The following DNAJA3 variants were observed in gnomAD, a reference collection of about 807,000 sequenced individuals.
DNAJA3 encodes the protein DnaJ heat shock protein family (Hsp40) member A3, also known as dnaJ homolog subfamily A member 3, mitochondrial.
DNAJA3 carries 29 observed loss-of-function variants against 54.9 expected under a neutral mutation model. The observed-to-expected ratio is 0.53, with a 90% confidence interval of 0.39 to 0.72. The LOEUF is 0.72. Among genes scored for constraint, DNAJA3 ranks in the 30% least tolerant of loss-of-function variants. The pLI, the probability that DNAJA3 is intolerant of heterozygous loss-of-function variation, is 0.00. For synonymous variants in DNAJA3, 302 were observed against 251.4 expected (o/e 1.20, Z -1.90); for missense variants, 708 against 639.4 (o/e 1.11, Z -1.16).
At chr16:4,426,166 G>A in intron 1 of DNAJA3, 74 bp downstream of exon 1, 1 of 1,391,096 alleles carries the variant, frequency 7.2e-7, no homozygotes. Context: ...CTGTGACTAC[G>A]GCTGCAGGGG....
At position 4,443,261 on chromosome 16, in the gene DNAJA3, C is replaced by G. The variant is rs979314792; in HGVS notation, c.931+97C>G. The G allele has an allele frequency of 2.7e-6, 4 of 1,467,502 alleles. No individual in the cohort carries two copies. The East Asian group carries it at 9.6e-5, about 35-fold the overall frequency. The allele number at this position is 1,467,502 out of a possible 1,614,324, so 90.9% of individuals were successfully genotyped here. ...GAGAGGGTGGACAGGGCCGAGGCCA[C>G]TGCACTGAGTGTGAGTGGGCTCTTG... On this transcript the variant is annotated intron_variant, in intron 6 of 11. Coordinates refer to ENST00000262375, the MANE Select transcript of DNAJA3 (RefSeq NM_005147.6).
In DNAJA3 at chr16:4,434,643, G is replaced by A. The variant is rs543564602; in HGVS notation, c.345+126G>A. ...TCTCATGAGCTGATAGTATAGAAGG[G>A]TGTGATAAAGCTGGACTTTGCTAGA... On this transcript the variant is annotated intron_variant, in intron 2 of 11. Coordinates refer to ENST00000262375, the MANE Select transcript of DNAJA3 (RefSeq NM_005147.6). 1.4e-5 allele frequency: 16 copies of A among 1,168,990 alleles called. No homozygotes were observed. The African/African-American group carries it at 2.5e-4, about 18-fold the overall frequency. 72.4% of individuals were successfully genotyped at this position (1,168,990 alleles called of 1,614,324 possible). A position where few individuals can be genotyped will look rare whatever the true frequency, so the allele number is the denominator to read the frequency against.
chr16:4,448,211 G>A (rs888728727), intron 8 of DNAJA3, among the ~76,000 whole-genome samples: 2 of 151,150 alleles, frequency 1.3e-5, no homozygotes, highest in African/African-American at 2.4e-5. Context: ...TATTTTAGTA[G>A]CGATGGGGTT....
In DNAJA3 at chr16:4,425,932, G is replaced by T; in HGVS notation, c.51G>T (p.Pro17=). ...TRWLLVVVGT[P]RLPAISGRGA... is the part of the protein sequence containing the mutation. ...GGTTGCTGGTGGTTGTGGGGACCCC[G>T]CGGCTGCCGGCTATATCGGGTAGAG... The change falls in exon 1 of 12, where the codon CCG becomes CCT. Residue 17 remains proline (P), a synonymous_variant. Coordinates refer to ENST00000262375, the MANE Select transcript of DNAJA3 (RefSeq NM_005147.6). 1 of 1,554,316 alleles carries T rather than the reference G, an allele frequency of 6.4e-7. No homozygotes were observed. Among genetic ancestry groups the T allele is most frequent in the Non-Finnish European group, 8.7e-7 (1 of 1,151,096 alleles).
intron 3 of DNAJA3, chr16:4,441,157 C>G: frequency 1.8e-6 from 1 of 558,882 alleles, no homozygotes; most frequent in Non-Finnish European, 3.1e-6. Context: ...GTTCGTGAGA[C>G]TTTTGGAAGC....
chr16:4,454,991 C>T (rs1297528551), intron 11 of DNAJA3, 64 bp downstream of exon 11: 4 of 1,151,778 alleles, frequency 3.5e-6, no homozygotes, highest in Admixed American at 2.0e-5. Context: ...CTGGTTTTCT[C>T]CCACTTTAAC....
rs779406970 is a variant in DNAJA3 at position 4,441,387 on chromosome 16, G to A, written c.442G>A (p.Glu148Lys). 20 of 1,612,538 alleles carry A rather than the reference G, an allele frequency of 1.2e-5. No homozygotes were observed. The Middle Eastern group carries it at 5.4e-4, about 43-fold the overall frequency. ...LAEAYEVLSD[E>K]VKRKQYDAYG... ...CCTTTCACTGTAGGTTTTGAGTGAT[G>A]AGGTGAAGAGGAAGCAGTACGATGC... The change falls in exon 4 of 12, where the codon GAG becomes AAG. Residue 148 changes from glutamate (E) to lysine (K), a missense_variant. By Grantham distance (56) the Glu-to-Lys change is moderately conservative. Transcript: ENST00000262375.
Position 4,442,414 on chromosome 16 carries a change from C to T in DNAJA3, c.777C>T (p.Ser259=), listed in dbSNP as rs141270066. ...AGCATTGCCACTACTGTGGCGGCTC[C>T]GGCATGGTAAGGCTCTGCCCGAGAC... ...KVQHCHYCGG[S]GMETINTGPF... The change falls in exon 5 of 12, where the codon TCC becomes TCT. Residue 259 remains serine, a synonymous_variant. Transcript: ENST00000262375. The T allele has an allele frequency of 5.1e-5, 82 of 1,596,836 alleles. No homozygotes were observed. The African/African-American group carries it at 7.3e-4, about 14-fold the overall frequency.
intron 1 of DNAJA3, chr16:4,430,417 G>A (rs922661384): frequency 8.6e-5 from 13 of 151,616 alleles, no homozygotes; most frequent in African/African-American, 2.9e-4. Context: ...GAAAAAGTTG[G>A]TCAGGCGTGG....
At chr16:4,450,286 C>A in intron 9 of DNAJA3, 114 bp from the exon 10 acceptor site, 1 of 774,882 alleles carries the variant, frequency 1.3e-6, no homozygotes. Context: ...GTGTCCGCCC[C>A]TGCCAAGGTT....
At chr16:4,444,489 G>T (rs551463095) in intron 6 of DNAJA3, among the ~76,000 whole-genome samples, 175 bp from the exon 7 acceptor site, 1 of 151,868 alleles carries the variant, frequency 6.6e-6, no homozygotes, top group African/African-American at 2.4e-5. Flanking sequence ...GACTACAGGC[G>T]TGTGCCACCA....
Position 4,455,695 on chromosome 16 carries a change from A to C in DNAJA3, c.*163A>C. 1.9e-6 allele frequency: 2 copies of C among 1,061,770 alleles called. No individual in the cohort carries two copies. Among genetic ancestry groups the C allele is most frequent in the East Asian group, 2.6e-5 (1 of 38,524 alleles). 65.8% of individuals were successfully genotyped at this position (1,061,770 alleles called of 1,614,324 possible). A position where few individuals can be genotyped will look rare whatever the true frequency, so the allele number is the denominator to read the frequency against. ...TTGGCAACAGCAAAATCATGGGACA[A>C]CACCTCTCTCCACGGAAAGGTCACA... On this transcript the variant is annotated 3_prime_UTR_variant, in exon 12 of 12. Transcript: ENST00000262375.
chr16:4,432,271 C>G (rs1373161843), intron 1 of DNAJA3, among the ~76,000 whole-genome samples: 1 of 151,252 alleles, frequency 6.6e-6, no homozygotes, highest in Non-Finnish European at 1.5e-5. Context: ...GATCCTCACG[C>G]CTCAGGTTCC....
At position 4,455,960 on chromosome 16, in the gene DNAJA3, G is replaced by A. The variant is rs1002486188; in HGVS notation, c.*428G>A. ...TTAATTTCCTTCTCAGCAAACCTCCGGGAGGTTCCAGAATGAGTTCTTCCT... is the reference window on the plus strand; with the variant it reads ...TTAATTTCCTTCTCAGCAAACCTCCAGGAGGTTCCAGAATGAGTTCTTCCT... On this transcript the variant is annotated 3_prime_UTR_variant, in exon 12 of 12. Transcript: ENST00000262375. 2.1e-5 allele frequency: 5 copies of A among 234,748 alleles called. No homozygotes were observed. The highest frequency in any genetic ancestry group is 5.1e-5 in the Admixed American group (1 of 19,640). The allele number at this position is 234,748 out of a possible 1,614,324, so 14.5% of individuals were successfully genotyped here.
chr16:4,445,700 C>T (rs995004972), intron 7 of DNAJA3, among the ~76,000 whole-genome samples: 2 of 152,020 alleles, frequency 1.3e-5, no homozygotes, highest in Admixed American at 1.3e-4. Context: ...TACAGGCACA[C>T]GCCACCAGGC....
intron 2 of DNAJA3, among the ~76,000 whole-genome samples, chr16:4,436,049 C>T (rs1362337506): frequency 6.6e-6 from 1 of 152,148 alleles, no homozygotes; most frequent in African/African-American, 2.4e-5. Context: ...GTTAGAGTTT[C>T]GATTTGCTTT....
chr16:4,447,122 G>A, intron 8 of DNAJA3, 108 bp downstream of exon 8: 2 of 1,354,364 alleles, frequency 1.5e-6, no homozygotes, highest in Non-Finnish European at 1.0e-6. Flanking sequence ...CCAGCATGTG[G>A]GGGGGCACTC....
chr16:4,437,971 A>T lies in DNAJA3; in HGVS notation c.429+486A>T, dbSNP rs545735011. Among the ~76,000 whole-genome samples the T allele has an allele frequency of 1.4e-3, 205 of 147,986 alleles. 1 individual carries two copies. The highest frequency in any genetic ancestry group is 4.9e-3 in the African/African-American group (196 of 40,202). On this transcript the variant is annotated intron_variant, in intron 3 of 11. Transcript: ENST00000262375. ...ACCTTCTCTCAAAAAATAAAAAATT[A>T]AAAAAAAAACAAAACAACAACATTC...
chr16:4,429,707 G>A (rs536854498), intron 1 of DNAJA3, among the ~76,000 whole-genome samples: 1 of 152,268 alleles, frequency 6.6e-6, no homozygotes, highest in South Asian at 2.1e-4. Flanking sequence ...GGTGGCGCAT[G>A]CCTGTAAACC....
Sources: gnomAD v4.1 joint callset for allele counts (sites outside exome capture counted in the v4.1 genomes callset) on GRCh38, gnomAD v4.1.1 for gene constraint, MANE v1.5 for transcripts, NCBI Gene and HGNC (gene_info 2026-07-23, HGNC 2026-07-21) for gene names.